DENND4C: variants seen among roughly 807,000 people sequenced by gnomAD.
DENND4C encodes DENN domain containing 4C.
A neutral mutation model predicts 203.0 loss-of-function variants in DENND4C; 108 were observed. That is an observed-to-expected ratio of 0.53 (90% CI 0.46 to 0.62). DENND4C has a LOEUF of 0.62. DENND4C is among the 20% of genes least tolerant of loss of function. DENND4C has a pLI of 0.00. For missense variants in DENND4C, 2,481 were observed against 2,301.2 expected, an observed-to-expected ratio of 1.08 and a Z score of -1.60; for synonymous variants, 871 against 792.4, an observed-to-expected ratio of 1.10 and a Z score of -1.67.
At position 19,286,842 on chromosome 9, in the gene DENND4C, GC is replaced by G; in HGVS notation, c.381del (p.Asn128MetfsTer30). The G allele has an allele frequency of 8.1e-7, 1 of 1,232,104 alleles. No individual in the cohort carries two copies. The highest frequency in any genetic ancestry group is 1.0e-6 in the Non-Finnish European group (1 of 987,954). 76.3% of individuals were successfully genotyped at this position (1,232,104 alleles called of 1,614,324 possible). A position where few individuals can be genotyped will look rare whatever the true frequency, so the allele number is the denominator to read the frequency against. On this transcript the variant is annotated frameshift_variant, in exon 3 of 33. Transcript: ENST00000434457. LOFTEE classifies it high-confidence loss of function. ...CCTAGCCACACCCTATGGTCGCTGT[GC>G]CAATGTCAACAATAGTTCAACTACT... The part of the protein sequence containing the change: ...VILATPYGRC[A>X]NVNNSSTTSQ...
At chr9:19,360,750 A>G (rs371910018) in intron 29 of DENND4C, among the ~76,000 whole-genome samples, 1 of 152,108 alleles carries the variant, frequency 6.6e-6, no homozygotes, top group Non-Finnish European at 1.5e-5. Context: ...TGTCACATCT[A>G]CTTTCTATCC....
intron 26 of DENND4C, 113 bp from the exon 27 acceptor site, chr9:19,356,859 A>T: frequency 9.9e-7 from 1 of 1,009,856 alleles, no homozygotes; most frequent in Non-Finnish European, 1.4e-6. Flanking sequence ...CTTCTGGATT[A>T]TATATAATTT....
intron 16 of DENND4C, among the ~76,000 whole-genome samples, chr9:19,331,442 C>T (rs1253399397): frequency 2.0e-5 from 3 of 152,076 alleles, no homozygotes; most frequent in African/African-American, 7.2e-5. Context: ...ACCTCGTGAT[C>T]CATCTGCCTT....
At chr9:19,328,527 C>T (rs1182088866) in intron 16 of DENND4C, among the ~76,000 whole-genome samples, 3 of 151,938 alleles carry the variant, frequency 2.0e-5, no homozygotes. Context: ...GCAGGAGAAT[C>T]GCTTGAACCT....
At chr9:19,233,530 A>G (rs1489973679) in intron 1 of DENND4C, among the ~76,000 whole-genome samples, 2 of 149,250 alleles carry the variant, frequency 1.3e-5, no homozygotes, top group African/African-American at 2.5e-5. Context: ...AAGTATGTGG[A>G]TGTAATAGAG....
chr9:19,319,783 G>A (rs1842578083), intron 12 of DENND4C, among the ~76,000 whole-genome samples: 1 of 152,284 alleles, frequency 6.6e-6, no homozygotes, highest in South Asian at 2.1e-4. Context: ...ATCTTAATAA[G>A]TGTGTTTCGA....
intron 1 of DENND4C, among the ~76,000 whole-genome samples, chr9:19,255,425 T>A (rs62560347): frequency 0.017 from 2,466 of 141,820 alleles, 61 homozygotes; most frequent in African/African-American, 0.06. Context: ...AATTTTTTTT[T>A]AATGTAAAAA....
At chr9:19,234,465 C>T (rs975075864) in intron 1 of DENND4C, among the ~76,000 whole-genome samples, 6 of 149,738 alleles carry the variant, frequency 4.0e-5, no homozygotes, top group African/African-American at 1.5e-4. Context: ...CTCCTGAACT[C>T]GTTATCCACC....
At position 19,280,110 on chromosome 9, in the gene DENND4C, T is replaced by C. The variant is rs28540419; in HGVS notation, c.305+3631T>C. On this transcript the variant is annotated intron_variant, in intron 2 of 32. Transcript: ENST00000434457. ...TATTTGAAGGGGCCGGCCTGCCTGC[T>C]TGCCTTCCTGCCTTCCTGCCTACCT... Among the ~76,000 whole-genome samples, 8 of 141,762 alleles carry C rather than the reference T, an allele frequency of 5.6e-5. No homozygotes were observed. In the South Asian group the frequency reaches 1.9e-3, roughly 34 times the overall value. 93.0% of individuals were successfully genotyped at this position (141,762 alleles called of 152,430 possible). A position where few individuals can be genotyped will look rare whatever the true frequency, so the allele number is the denominator to read the frequency against.
In DENND4C at chr9:19,336,510, G is replaced by A. The variant is rs181925837; in HGVS notation, c.2734+96G>A. 2,071 of 1,460,034 alleles carry A rather than the reference G, an allele frequency of 1.4e-3. 19 individuals carry two copies. The highest frequency in any genetic ancestry group is 6.1e-4 in the African/African-American group (43 of 70,064). 90.4% of individuals were successfully genotyped at this position (1,460,034 alleles called of 1,614,324 possible). On this transcript the variant is annotated intron_variant, in intron 19 of 32. Transcript: ENST00000434457. ...ATGTGAAGTAGAAAACTTAAATTCC[G>A]GTAGACATTTTCACATACATTTAAA...
At chr9:19,325,390 T>A (rs1171990197) in intron 13 of DENND4C, among the ~76,000 whole-genome samples, 1 of 152,160 alleles carries the variant, frequency 6.6e-6, no homozygotes, top group Non-Finnish European at 1.5e-5. Flanking sequence ...TTGGGGCCAA[T>A]TGTTTATGCA....
chr9:19,303,076 G>A (rs1029232444), intron 9 of DENND4C, among the ~76,000 whole-genome samples: 1 of 151,648 alleles, frequency 6.6e-6, no homozygotes, highest in Non-Finnish European at 1.5e-5. Flanking sequence ...TTGGAAAGAA[G>A]TGCTTTGGAT....
Position 19,346,079 on chromosome 9 carries a change from A to ATG in DENND4C, c.3312_3313dup (p.Leu1105CysfsTer18), listed in dbSNP as rs1822827788. The ATG allele has an allele frequency of 6.2e-7, 1 of 1,614,084 alleles. No individual in the cohort carries two copies. Among genetic ancestry groups the ATG allele is most frequent in the Admixed American group, 1.7e-5 (1 of 60,008 alleles). ...TTTTAGTTCTGAAAGTCGAGCAGGA[A>ATG]TGTTGCTTAAGAAGAGTAGTTTGGA... On this transcript the variant is annotated frameshift_variant, in exon 23 of 33. Coordinates refer to ENST00000434457, the MANE Select transcript of DENND4C (RefSeq NM_001330640.2). LOFTEE classifies it high-confidence loss of function.
chr9:19,287,946 G>A (rs1454014679), intron 3 of DENND4C, among the ~76,000 whole-genome samples: 4 of 152,192 alleles, frequency 2.6e-5, no homozygotes, highest in Non-Finnish European at 5.9e-5. Flanking sequence ...TGGTTGGCCA[G>A]GATGGTCTTG....
chr9:19,327,971 A>G, intron 15 of DENND4C, 59 bp from the exon 16 acceptor site: 1 of 1,470,812 alleles, frequency 6.8e-7, no homozygotes, highest in Non-Finnish European at 9.2e-7. Context: ...TAAACGCTGG[A>G]ATAATATGAA....
chr9:19,252,969 C>T (rs897539616), intron 1 of DENND4C, among the ~76,000 whole-genome samples: 1 of 152,180 alleles, frequency 6.6e-6, no homozygotes, highest in African/African-American at 2.4e-5. Flanking sequence ...AACTCCTGAC[C>T]TCAAATGATC....
intron 1 of DENND4C, among the ~76,000 whole-genome samples, chr9:19,263,721 C>A (rs1829905037): frequency 6.6e-6 from 1 of 150,774 alleles, no homozygotes; most frequent in Non-Finnish European, 1.5e-5. Context: ...ATGGCACGAT[C>A]TGGGCTTGCT....
chr9:19,340,853 C>A, intron 20 of DENND4C, 139 bp from the exon 21 acceptor site: 1 of 634,532 alleles, frequency 1.6e-6, no homozygotes. Flanking sequence ...TTAAAATGTT[C>A]TGTGTTCCTT....
At chr9:19,277,522 C>G (rs926667327) in intron 2 of DENND4C, among the ~76,000 whole-genome samples, 1 of 152,076 alleles carries the variant, frequency 6.6e-6, no homozygotes, top group East Asian at 1.9e-4. Context: ...TTGCACTCTG[C>G]AACTTTGCCG....
Sources: gnomAD v4.1 joint callset for allele counts (sites outside exome capture counted in the v4.1 genomes callset) on GRCh38, gnomAD v4.1.1 for gene constraint, MANE v1.5 for transcripts, NCBI Gene and HGNC (gene_info 2026-07-23, HGNC 2026-07-21) for gene names.